Variants in PPP1R3A observed in about 807,000 individuals in gnomAD.
PPP1R3A encodes protein phosphatase 1 regulatory subunit 3A, also known as RG1.
In PPP1R3A, 29 loss-of-function variants were observed where a neutral mutation model predicts 41.7. The ratio of observed to expected loss-of-function variants is 0.70; its 90% CI spans 0.52 to 0.95. The LOEUF is 0.95. Among genes scored for constraint, PPP1R3A ranks in the 40% least tolerant of loss-of-function variants. The pLI is 0.00. For missense variants in PPP1R3A, 1,352 were observed against 1,292.4 expected, an observed-to-expected ratio of 1.05 and a Z score of -0.71; for synonymous variants, 485 against 453.4, an observed-to-expected ratio of 1.07 and a Z score of -0.89.
At chr7:113,908,334 A>G (rs1228874989) in intron 1 of PPP1R3A, among the ~76,000 whole-genome samples, 2 of 151,914 alleles carry the variant, frequency 1.3e-5, no homozygotes, top group African/African-American at 2.4e-5. Flanking sequence ...TCGTGTGTGC[A>G]CACACGTGTG....
chr7:113,889,461 A>G (rs972762959), intron 1 of PPP1R3A, among the ~76,000 whole-genome samples: 1 of 152,200 alleles, frequency 6.6e-6, no homozygotes, highest in Admixed American at 6.6e-5. Context: ...TGAAGGAAAC[A>G]TGTTAAACTT....
At chr7:113,881,091 T>C (rs1339845900) in intron 3 of PPP1R3A, among the ~76,000 whole-genome samples, 2 of 152,012 alleles carry the variant, frequency 1.3e-5, no homozygotes, top group South Asian at 4.1e-4. Flanking sequence ...TTGAAAAAAA[T>C]GGCCATGTTA....
chr7:113,892,536 A>G (rs565502620), intron 1 of PPP1R3A, among the ~76,000 whole-genome samples: 86 of 152,170 alleles, frequency 5.7e-4, no homozygotes, highest in Non-Finnish European at 1.1e-3. Context: ...AGCTTAATAT[A>G]TTTTCCTTTG....
At chr7:113,889,916 C>T (rs1190304675) in intron 1 of PPP1R3A, among the ~76,000 whole-genome samples, 5 of 152,018 alleles carry the variant, frequency 3.3e-5, no homozygotes, top group African/African-American at 4.8e-5. Flanking sequence ...AAAGCAACAG[C>T]GCCAGGGTAT....
intron 1 of PPP1R3A, among the ~76,000 whole-genome samples, chr7:113,894,844 T>G (rs1053841194): frequency 6.6e-6 from 1 of 151,990 alleles, no homozygotes; most frequent in African/African-American, 2.4e-5. Flanking sequence ...CTATAGTATT[T>G]GAATTAACAT....
chr7:113,880,118 T>A lies in PPP1R3A; in HGVS notation c.974A>T (p.Gln325Leu). 6.3e-7 allele frequency: 1 copy of A among 1,590,958 alleles called. No individual in the cohort carries two copies. Among genetic ancestry groups the A allele is most frequent in the South Asian group, 1.1e-5 (1 of 90,494 alleles). Residue 325 changes from glutamine to leucine, a missense_variant, in exon 4 of 4, where the codon CAA becomes CTA. Physicochemically the swap from Gln to Leu is moderately radical, Grantham distance 113 (BLOSUM62 -2). Transcript: ENST00000284601. ...AGTACTTCTGGTTCTTATTAAGTGT[T>A]GATTTATCTTATGGGATAAAAACAA... ...NEKELELMIN[Q>L]HLIRTRSTAS...
intron 1 of PPP1R3A, among the ~76,000 whole-genome samples, chr7:113,894,734 C>A (rs1368565715): frequency 6.6e-6 from 1 of 151,912 alleles, no homozygotes. Context: ...ACTGAGTTAA[C>A]TAATTCCATT....
chr7:113,901,247 C>T (rs140309630), intron 1 of PPP1R3A, among the ~76,000 whole-genome samples: 4 of 151,620 alleles, frequency 2.6e-5, no homozygotes, highest in East Asian at 2.0e-4. Context: ...CCCCAAGGAG[C>T]GTTAAAACCC....
chr7:113,918,739 C>T lies in PPP1R3A; in HGVS notation c.258G>A (p.Pro86=), dbSNP rs757738660. The change falls in exon 1 of 4, where the codon CCG becomes CCA. Residue 86 remains proline, a synonymous_variant. Coordinates refer to ENST00000284601, the MANE Select transcript of PPP1R3A (RefSeq NM_002711.4). ...CTAAGTCAAAAGTGGTTGAAGCACTCGGTAATTCCCAGCAATCAAATTCTT... is the reference window on the plus strand; with the variant it reads ...CTAAGTCAAAAGTGGTTGAAGCACTTGGTAATTCCCAGCAATCAAATTCTT... The part of the protein sequence containing the change: ...SVKEFDCWEL[P]SASTTFDLGT... 7.4e-6 allele frequency: 12 copies of T among 1,613,678 alleles called. No individual in the cohort carries two copies. Among genetic ancestry groups the T allele is most frequent in the East Asian group, 6.7e-5 (3 of 44,872 alleles).
intron 3 of PPP1R3A, 121 bp downstream of exon 3, chr7:113,881,918 A>C: frequency 3.5e-6 from 4 of 1,127,102 alleles, no homozygotes; most frequent in Non-Finnish European, 5.3e-6. Context: ...AGGACAGAAT[A>C]GGCTGTGCTT....
intron 1 of PPP1R3A, among the ~76,000 whole-genome samples, chr7:113,895,603 A>G (rs564928972): frequency 6.6e-6 from 1 of 151,996 alleles, no homozygotes; most frequent in Non-Finnish European, 1.5e-5. Flanking sequence ...AGATGCCTCT[A>G]TGATATGAAA....
chr7:113,877,752 TACCC>T lies in PPP1R3A; in HGVS notation c.3336_3339del (p.Gly1113AspfsTer18), dbSNP rs1438584249. 1 of 1,573,954 alleles carries T rather than the reference TACCC, an allele frequency of 6.4e-7. No individual in the cohort carries two copies. Among genetic ancestry groups the T allele is most frequent in the Non-Finnish European group, 8.6e-7 (1 of 1,162,014 alleles). On this transcript the variant is annotated frameshift_variant, in exon 4 of 4. Coordinates refer to ENST00000284601, the MANE Select transcript of PPP1R3A (RefSeq NM_002711.4). LOFTEE classifies it high-confidence loss of function. ...TTCTTTTTGACAGACTCTTTTTGTC[TACCC>T]TCTTCCCAGGATAGCCAGGACAATG...
At position 113,878,409 on chromosome 7, in the gene PPP1R3A, C is replaced by T; in HGVS notation, c.2683G>A (p.Asp895Asn). 6.2e-7 allele frequency: 1 copy of T among 1,611,744 alleles called. No homozygotes were observed. Residue 895 changes from aspartate to asparagine, a missense_variant, in exon 4 of 4, where the codon GAT becomes AAT. Physicochemically the swap from Asp to Asn is conservative, Grantham distance 23. Coordinates refer to ENST00000284601, the MANE Select transcript of PPP1R3A (RefSeq NM_002711.4). ...TTAAAAGCAGAATGCACAATGGCAT[C>T]CGAGTCTGTTTTCTTTGATAATTCT... is the stretch of plus-strand genomic sequence containing the variant. ...VQELSKKTDSDAIVHSAFNSD... is the reference protein window; with the variant it reads ...VQELSKKTDSNAIVHSAFNSD...
rs990060480 is a variant in PPP1R3A at position 113,879,711 on chromosome 7, G to T, written c.1381C>A (p.Leu461Ile). 1 of 1,613,186 alleles carries T rather than the reference G, an allele frequency of 6.2e-7. No individual in the cohort carries two copies. Among genetic ancestry groups the T allele is most frequent in the Non-Finnish European group, 8.5e-7 (1 of 1,179,640 alleles). The change falls in exon 4 of 4, where the codon CTA becomes ATA. Residue 461 changes from leucine (L) to isoleucine (I), a missense_variant. By Grantham distance (5) the Leu-to-Ile change is conservative. Coordinates refer to ENST00000284601, the MANE Select transcript of PPP1R3A (RefSeq NM_002711.4). ...TTTTTATTAAGGTTTCCTGCCATTA[G>T]TTGATCTGAAGAGGGGCAAGGTATT... Reference protein sequence around the residue: ...VQIPCPSSDQLMAGNLNKKHE... With the variant: ...VQIPCPSSDQIMAGNLNKKHE...
At chr7:113,890,292 G>A (rs943719510) in intron 1 of PPP1R3A, among the ~76,000 whole-genome samples, 1 of 151,992 alleles carries the variant, frequency 6.6e-6, no homozygotes, top group African/African-American at 2.4e-5. Context: ...GCCAGAAATC[G>A]GATCTACTGC....
chr7:113,908,228 T>C (rs1405725391), intron 1 of PPP1R3A, among the ~76,000 whole-genome samples: 1 of 151,830 alleles, frequency 6.6e-6, no homozygotes, highest in Non-Finnish European at 1.5e-5. Flanking sequence ...ATATAGAAAA[T>C]ATAAAATACT....
chr7:113,912,743 T>C (rs1478640659), intron 1 of PPP1R3A, among the ~76,000 whole-genome samples: 1 of 151,966 alleles, frequency 6.6e-6, no homozygotes, highest in African/African-American at 2.4e-5. Flanking sequence ...CATTTTTGGC[T>C]CAGAAATAGT....
intron 1 of PPP1R3A, among the ~76,000 whole-genome samples, chr7:113,901,344 A>G (rs1028686616): frequency 6.6e-6 from 1 of 151,764 alleles, no homozygotes; most frequent in African/African-American, 2.4e-5. Flanking sequence ...CTCCAACTCT[A>G]TAGCTGGCCC....
chr7:113,898,166 A>G (rs138287790), intron 1 of PPP1R3A, among the ~76,000 whole-genome samples: 1,859 of 151,986 alleles, frequency 0.012, 27 homozygotes, highest in South Asian at 0.018. Context: ...CTAGAAGCTA[A>G]ACCACTAGCT....
Sources: allele counts gnomAD v4.1 joint callset (sites outside exome capture counted in the v4.1 genomes callset), GRCh38; gene constraint gnomAD v4.1.1; transcripts MANE v1.5; gene names NCBI Gene and HGNC (gene_info 2026-07-23, HGNC 2026-07-21).